The following ESR2 variants were observed in gnomAD, a reference collection of about 807,000 sequenced individuals.
ESR2 encodes the protein estrogen receptor beta.
ESR2 carries 36 observed loss-of-function variants against 49.6 expected under a neutral mutation model. That is an observed-to-expected ratio of 0.73 (90% CI 0.56 to 0.96). The LOEUF (loss-of-function observed/expected upper bound fraction) is 0.96, where lower values mean the gene tolerates loss of function less well. Ranked by LOEUF, ESR2 falls within the 40% of genes least tolerant of loss-of-function variation. ESR2 has a pLI of 0.00. For missense variants in ESR2, 714 were observed against 693.0 expected (o/e 1.03, Z -0.34); for synonymous variants, 320 against 266.1 (o/e 1.20, Z -1.97).
intron 1 of ESR2, among the ~76,000 whole-genome samples, 159 bp downstream of exon 1, chr14:64,293,874 C>T (rs2076911161): frequency 6.6e-6 from 1 of 152,244 alleles, no homozygotes; most frequent in African/African-American, 2.4e-5. Context: ...GACATTTAAT[C>T]AAAGCATGCA....
intron 4 of ESR2, among the ~76,000 whole-genome samples, chr14:64,263,829 A>G (rs555380616): frequency 4.6e-5 from 7 of 152,314 alleles, no homozygotes; most frequent in South Asian, 2.1e-4. Flanking sequence ...TTTGAACCAC[A>G]TAATTAACAA....
chr14:64,287,089 A>T (rs1162916789), intron 1 of ESR2, among the ~76,000 whole-genome samples: 1 of 150,946 alleles, frequency 6.6e-6, no homozygotes. Context: ...CATCTTAGCC[A>T]TTTCTAAGTA....
At chr14:64,290,701 C>G (rs1024739670) in intron 1 of ESR2, among the ~76,000 whole-genome samples, 1 of 152,166 alleles carries the variant, frequency 6.6e-6, no homozygotes, top group Non-Finnish European at 1.5e-5. Context: ...CCACACCCAG[C>G]CTTTTTAAAT....
At chr14:64,265,380 C>T (rs1214520340) in intron 4 of ESR2, among the ~76,000 whole-genome samples, 1 of 152,226 alleles carries the variant, frequency 6.6e-6, no homozygotes, top group Non-Finnish European at 1.5e-5. Flanking sequence ...AGTACAGGAA[C>T]TATTACTGTC....
At chr14:64,238,357 A>AGG (rs146119274) in intron 7 of ESR2, among the ~76,000 whole-genome samples, 5,178 of 152,196 alleles carry the variant, frequency 0.034, 130 homozygotes, top group Middle Eastern at 0.088. Context: ...ATGGTGGGGT[A>AGG]GGGGGGCAGT....
At position 64,228,966 on chromosome 14, in the gene ESR2, C is replaced by G. The variant is rs1318250679; in HGVS notation, c.*4171G>C. Among the ~76,000 whole-genome samples, 1 of 152,120 alleles carries G rather than the reference C, an allele frequency of 6.6e-6. No individual in the cohort carries two copies. Among genetic ancestry groups the G allele is most frequent in the African/African-American group, 2.4e-5 (1 of 41,406 alleles). On this transcript the variant is annotated 3_prime_UTR_variant, in exon 9 of 9. Transcript: ENST00000341099. ...CACGTGTTTTCACACTGTAGTATAT[C>G]ACACTCCACAGGGAAGCAGCAGTGC...
Position 64,268,776 on chromosome 14 carries a change from A to G in ESR2, c.652+19T>C, listed in dbSNP as rs761014695. 6.2e-6 allele frequency: 9 copies of G among 1,446,664 alleles called. No individual in the cohort carries two copies. The highest frequency in any genetic ancestry group is 4.2e-5 in the African/African-American group (3 of 71,564). 89.6% of individuals were successfully genotyped at this position (1,446,664 alleles called of 1,614,324 possible). A position where few individuals can be genotyped will look rare whatever the true frequency, so the allele number is the denominator to read the frequency against. ...TTTAGCAAGGCCCATATTCAATAAG[A>G]AGGGAAGCAAGCACTCACCACACTT... On this transcript the variant is annotated intron_variant, in intron 4 of 8. Transcript: ENST00000341099.
At chr14:64,257,993 G>A (rs116997983) in intron 5 of ESR2, among the ~76,000 whole-genome samples, 1,849 of 152,254 alleles carry the variant, frequency 0.012, 22 homozygotes, top group South Asian at 0.023. Context: ...AAGGTGGGTG[G>A]ATTGCCTGCA....
chr14:64,251,288 T>G (rs2075982626), intron 6 of ESR2, among the ~76,000 whole-genome samples: 1 of 146,008 alleles, frequency 6.8e-6, no homozygotes, highest in African/African-American at 2.6e-5. Context: ...AAAGCTAGTT[T>G]GAAAATATCT....
At chr14:64,265,240 G>A (rs1179573730) in intron 4 of ESR2, among the ~76,000 whole-genome samples, 2 of 152,204 alleles carry the variant, frequency 1.3e-5, no homozygotes, top group African/African-American at 2.4e-5. Context: ...ATATTAGGCA[G>A]TGGTAAATAG....
rs772916512 is a variant in ESR2 at position 64,282,901 on chromosome 14, AGCCGT to A, written c.80_84del (p.His27LeufsTer14). The stretch of plus-strand genomic sequence containing the variant: ...ACATAGGAGGAAGGTATGTATATGG[AGCCGT>A]GCTCCAGGGGTAAGATGGATTGACT... On this transcript the variant is annotated frameshift_variant, in exon 2 of 9. Coordinates refer to ENST00000341099, the MANE Select transcript of ESR2 (RefSeq NM_001437.3). LOFTEE classifies it high-confidence loss of function. 8 of 1,614,156 alleles carry A rather than the reference AGCCGT, an allele frequency of 5.0e-6. No homozygotes were observed. The Admixed American group carries it at 6.7e-5, about 13-fold the overall frequency.
rs1226004609 is a variant in ESR2 at position 64,230,867 on chromosome 14, A to T, written c.*2270T>A. On this transcript the variant is annotated 3_prime_UTR_variant, in exon 9 of 9. Transcript: ENST00000341099. ...GATCTACTCTCAAAAAAAAAAAATT[A>T]TATATATATATATATATATATTTCG... 1.0e-4 allele frequency: 3 copies of T among 28,608 alleles called. No individual in the cohort carries two copies. The highest frequency in any genetic ancestry group is 1.0e-3 in the African/African-American group (2 of 1,946). 1.8% of individuals were successfully genotyped at this position (28,608 alleles called of 1,614,324 possible). A position where few individuals can be genotyped will look rare whatever the true frequency, so the allele number is the denominator to read the frequency against.
At chr14:64,331,868 A>G (rs2077464646) in intron 1 of ESR2, among the ~76,000 whole-genome samples, 1 of 150,796 alleles carries the variant, frequency 6.6e-6, no homozygotes, top group South Asian at 2.1e-4. Context: ...AGTCTCCTTC[A>G]GAGAGTCCTT....
chr14:64,274,932 G>C (rs929457560), intron 3 of ESR2, among the ~76,000 whole-genome samples: 18 of 151,974 alleles, frequency 1.2e-4, no homozygotes, highest in African/African-American at 4.4e-4. Flanking sequence ...TTGATTTCTA[G>C]TTTTATTCCA....
rs1450376347 is a variant in ESR2 at position 64,229,638 on chromosome 14, G to A, written c.*3499C>T. On this transcript the variant is annotated 3_prime_UTR_variant, in exon 9 of 9. Transcript: ENST00000341099. ...ATTTTTAAACTGTTTGAAGTGCATG[G>A]TCACTGTCAGCACTGGACTTGGACT... is the stretch of plus-strand genomic sequence containing the variant. Among the ~76,000 whole-genome samples, 1 of 152,128 alleles carries A rather than the reference G, an allele frequency of 6.6e-6. No homozygotes were observed. Among genetic ancestry groups the A allele is most frequent in the East Asian group, 1.9e-4 (1 of 5,186 alleles).
At chr14:64,239,971 A>G (rs1438415950) in intron 7 of ESR2, among the ~76,000 whole-genome samples, 1 of 152,250 alleles carries the variant, frequency 6.6e-6, no homozygotes, top group Non-Finnish European at 1.5e-5. Context: ...AAAGCATTAT[A>G]TCTAAATCAT....
chr14:64,285,039 C>T (rs533498590), intron 1 of ESR2, among the ~76,000 whole-genome samples: 6 of 152,044 alleles, frequency 3.9e-5, no homozygotes, highest in South Asian at 2.1e-4. Context: ...TTAGTAGAGA[C>T]GGCGTTTCAC....
At position 64,268,496 on chromosome 14, in the gene ESR2, T is replaced by G. The variant is rs141513906; in HGVS notation, c.652+299A>C. The stretch of plus-strand genomic sequence containing the variant: ...ACCCAGCCCTGTTTGAGGATTCCAG[T>G]GGCTAGAAGTCCCCTAACCCATCTG... On this transcript the variant is annotated intron_variant, in intron 4 of 8. Transcript: ENST00000341099. Among the ~76,000 whole-genome samples, 393 of 152,298 alleles carry G rather than the reference T, an allele frequency of 2.6e-3. 3 individuals are homozygous for G. Among genetic ancestry groups the G allele is most frequent in the African/African-American group, 9.0e-3 (375 of 41,570 alleles).
chr14:64,303,777 A>G (rs1000430537), intron 1 of ESR2: 2 of 152,222 alleles, frequency 1.3e-5, no homozygotes, highest in Non-Finnish European at 2.9e-5. Context: ...TATTCATTTA[A>G]TATTTCATTC....
Sources: gnomAD v4.1 joint callset for allele counts (sites outside exome capture counted in the v4.1 genomes callset) on GRCh38, gnomAD v4.1.1 for gene constraint, MANE v1.5 for transcripts, NCBI Gene and HGNC (gene_info 2026-07-23, HGNC 2026-07-21) for gene names.